Variants in USP38 observed in about 807,000 individuals in gnomAD.
The protein encoded by USP38 is ubiquitin carboxyl-terminal hydrolase 38.
In USP38, 49 loss-of-function variants were observed where a neutral mutation model predicts 94.3. The ratio of observed to expected loss-of-function variants is 0.52; its 90% CI spans 0.41 to 0.66. The LOEUF (loss-of-function observed/expected upper bound fraction) is 0.66, where lower values mean the gene tolerates loss of function less well. Among genes scored for constraint, USP38 ranks in the 30% least tolerant of loss-of-function variants. The pLI, the probability that USP38 is intolerant of heterozygous loss-of-function variation, is 0.00. For missense variants in USP38, 1,128 were observed against 1,229.4 expected, an observed-to-expected ratio of 0.92 and a Z score of 1.23; for synonymous variants, 468 against 463.6, an observed-to-expected ratio of 1.01 and a Z score of -0.12.
rs1732379891 is a variant in USP38 at position 143,223,743 on chromosome 4, A to C, written c.*3287A>C. 1.3e-5 allele frequency: 2 copies of C among 152,104 alleles called. No homozygotes were observed. Among genetic ancestry groups the C allele is most frequent in the Non-Finnish European group, 2.9e-5 (2 of 67,998 alleles). The allele number at this position is 152,104 out of a possible 1,614,324, so 9.4% of individuals were successfully genotyped here. A position where few individuals can be genotyped will look rare whatever the true frequency, so the allele number is the denominator to read the frequency against. On this transcript the variant is annotated 3_prime_UTR_variant, in exon 10 of 10. Coordinates refer to ENST00000307017, the MANE Select transcript of USP38 (RefSeq NM_032557.6). ...TTGTGTACTTCACATGATACATTCC[A>C]TATAAAGAGCTCTTTTAAAATGACT...
intron 5 of USP38, among the ~76,000 whole-genome samples, chr4:143,205,013 C>T (rs183964309): frequency 7.4e-4 from 113 of 152,268 alleles, no homozygotes; most frequent in African/African-American, 2.5e-3. Flanking sequence ...GACACTTTGA[C>T]ACTTCAGAAG....
intron 3 of USP38, among the ~76,000 whole-genome samples, chr4:143,196,499 G>A (rs10155434): frequency 0.72 from 109,882 of 151,972 alleles, 40,152 homozygotes; most frequent in East Asian, 0.83. Flanking sequence ...CCTGTCAGCA[G>A]TATTTGGCAC....
At chr4:143,203,381 G>A (rs764960928) in intron 4 of USP38, 27 bp from the exon 5 acceptor site, 149 of 1,595,182 alleles carry the variant, frequency 9.3e-5, no homozygotes, top group Non-Finnish European at 1.3e-4. Context: ...TATAAATTCA[G>A]CATTGTTTAT....
Position 143,185,187 on chromosome 4 carries a change from C to T in USP38, c.-264C>T. On this transcript the variant is annotated 5_prime_UTR_variant, in exon 1 of 10. Transcript: ENST00000307017. ...GCTGAGTGGGATCGAGGGCCCGGGG[C>T]GGCGGCGGAGTACGGGCCTCTGGCG... 1 of 371,836 alleles carries T rather than the reference C, an allele frequency of 2.7e-6. No homozygotes were observed. The highest frequency in any genetic ancestry group is 4.8e-6 in the Non-Finnish European group (1 of 207,066). The allele number at this position is 371,836 out of a possible 1,614,324, so 23.0% of individuals were successfully genotyped here.
intron 9 of USP38, 112 bp downstream of exon 9, chr4:143,215,055 A>T: frequency 9.4e-7 from 1 of 1,062,392 alleles, no homozygotes; most frequent in Non-Finnish European, 1.3e-6. Context: ...TCTGAAATAT[A>T]GGTCTGGATT....
intron 8 of USP38, 125 bp downstream of exon 8, chr4:143,212,549 C>G: frequency 5.8e-6 from 3 of 521,096 alleles, no homozygotes; most frequent in Non-Finnish European, 9.3e-6. Flanking sequence ...TATTGCATTT[C>G]TTGTATGTTT....
rs1311634407 is a variant in USP38 at position 143,185,259 on chromosome 4, T to C, written c.-192T>C. 1 of 653,458 alleles carries C rather than the reference T, an allele frequency of 1.5e-6. No individual in the cohort carries two copies. Among genetic ancestry groups the C allele is most frequent in the South Asian group, 2.1e-5 (1 of 48,504 alleles). 40.5% of individuals were successfully genotyped at this position (653,458 alleles called of 1,614,324 possible). On this transcript the variant is annotated 5_prime_UTR_variant, in exon 1 of 10. Transcript: ENST00000307017. ...CGGTTCTTAGGCTCTCCAGGCTCGCTAGCTCCCGCCCCGGCTTGGATGGGT... is the reference window on the plus strand; with the variant it reads ...CGGTTCTTAGGCTCTCCAGGCTCGCCAGCTCCCGCCCCGGCTTGGATGGGT...
intron 4 of USP38, among the ~76,000 whole-genome samples, chr4:143,200,394 G>T (rs1731678267): frequency 6.6e-6 from 1 of 152,052 alleles, no homozygotes; most frequent in Non-Finnish European, 1.5e-5. Flanking sequence ...AAAATAATAA[G>T]AGGCATCTGT....
rs776465835 is a variant in USP38 at position 143,213,963 on chromosome 4, A to G, written c.1987A>G (p.Thr663Ala). ...AGAAGAACCAGTAGTTTATAATCCA[A>G]CAACAGCTGCCTTCATCTGTGACTC... ...PSEEPVVYNP[T>A]TAAFICDSLV... is the part of the protein sequence containing the mutation. Residue 663 changes from threonine to alanine, a missense_variant, in exon 9 of 10, where the codon ACA (threonine) becomes GCA (alanine). Physicochemically the swap from Thr to Ala is moderately conservative, Grantham distance 58 (BLOSUM62 0). Coordinates refer to ENST00000307017, the MANE Select transcript of USP38 (RefSeq NM_032557.6). 3 of 1,613,482 alleles carry G rather than the reference A, an allele frequency of 1.9e-6. No individual in the cohort carries two copies. Among genetic ancestry groups the G allele is most frequent in the Admixed American group, 1.7e-5 (1 of 59,960 alleles).
chr4:143,209,649 C>T lies in USP38; in HGVS notation c.1489C>T (p.His497Tyr), dbSNP rs750698937. The T allele has an allele frequency of 1.9e-6, 3 of 1,600,670 alleles. No homozygotes were observed. Among genetic ancestry groups the T allele is most frequent in the Non-Finnish European group, 2.6e-6 (3 of 1,169,464 alleles). Residue 497 changes from histidine to tyrosine, a missense_variant, in exon 7 of 10, where the codon CAT becomes TAT. Coordinates refer to ENST00000307017, the MANE Select transcript of USP38 (RefSeq NM_032557.6). ...ACAGCATCTTTTTGCCTTTCTGGCCCATACACAGGTGAGTGTGTATGTGTA... is the reference window on the plus strand; with the variant it reads ...ACAGCATCTTTTTGCCTTTCTGGCCTATACACAGGTGAGTGTGTATGTGTA... The part of the protein sequence containing the change: ...KLQHLFAFLA[H>Y]TQREAYAPRI...
Position 143,185,947 on chromosome 4 carries a change from C to A in USP38, c.497C>A (p.Thr166Lys). 1 of 1,614,166 alleles carries A rather than the reference C, an allele frequency of 6.2e-7. No individual in the cohort carries two copies. Among genetic ancestry groups the A allele is most frequent in the Non-Finnish European group, 8.5e-7 (1 of 1,180,034 alleles). Residue 166 changes from threonine (T) to lysine (K), a missense_variant, in exon 1 of 10, where the codon ACG (threonine) becomes AAG (lysine). Thr to Lys is a moderately conservative substitution (Grantham distance 78, BLOSUM62 -1). Coordinates refer to ENST00000307017, the MANE Select transcript of USP38 (RefSeq NM_032557.6). ...ATCCCCAAGGGGAAATTGTCCATCA[C>A]GTTCTGTCAACAGCTGGTTCGAACG... ...QCIPKGKLSI[T>K]FCQQLVRTIG...
chr4:143,194,856 T>C (rs1179846464), intron 2 of USP38, among the ~76,000 whole-genome samples: 1 of 151,954 alleles, frequency 6.6e-6, no homozygotes, highest in Non-Finnish European at 1.5e-5. Context: ...GTGGTAGAGA[T>C]CTAACTTTAG....
chr4:143,193,727 AT>A (rs764149124), intron 2 of USP38, among the ~76,000 whole-genome samples: 6 of 152,266 alleles, frequency 3.9e-5, no homozygotes, highest in Non-Finnish European at 5.9e-5. Flanking sequence ...AATAAAAAAC[AT>A]TCCAGTGTTA....
At position 143,214,735 on chromosome 4, in the gene USP38, G is replaced by C. The variant is rs1320278779; in HGVS notation, c.2759G>C (p.Arg920Thr). Residue 920 changes from arginine to threonine, a missense_variant, in exon 9 of 10, where the codon AGA becomes ACA. By Grantham distance (71) the Arg-to-Thr change is moderately conservative. Coordinates refer to ENST00000307017, the MANE Select transcript of USP38 (RefSeq NM_032557.6). ...SKEWFLFNDS[R>T]VTFTSFQSVQ... ...GAATGGTTTTTATTTAATGACAGTA[G>C]AGTGACATTTACTTCATTTCAGTCA... 3.7e-6 allele frequency: 6 copies of C among 1,613,684 alleles called. No individual in the cohort carries two copies. In the South Asian group the frequency reaches 6.6e-5, roughly 18 times the overall value.
At position 143,221,227 on chromosome 4, in the gene USP38, G is replaced by C. The variant is rs1318932587; in HGVS notation, c.*771G>C. 6.6e-6 allele frequency: 1 copy of C among 152,504 alleles called. No homozygotes were observed. The highest frequency in any genetic ancestry group is 1.5e-5 in the Non-Finnish European group (1 of 67,980). 9.4% of individuals were successfully genotyped at this position (152,504 alleles called of 1,614,324 possible). The stretch of plus-strand genomic sequence containing the variant: ...AGGTGAGTTCTGTATGTGCCTTGCA[G>C]TACTGTAATTCAAAAATAGGAATCT... On this transcript the variant is annotated 3_prime_UTR_variant, in exon 10 of 10. Coordinates refer to ENST00000307017, the MANE Select transcript of USP38 (RefSeq NM_032557.6).
At chr4:143,205,178 C>T (rs778134196) in intron 5 of USP38, among the ~76,000 whole-genome samples, 4 of 152,072 alleles carry the variant, frequency 2.6e-5, no homozygotes, top group Non-Finnish European at 4.4e-5. Context: ...ATTCTGATAA[C>T]TCATATAGGC....
intron 2 of USP38, among the ~76,000 whole-genome samples, chr4:143,192,803 T>C (rs889841602): frequency 6.6e-6 from 1 of 152,180 alleles, no homozygotes; most frequent in Non-Finnish European, 1.5e-5. Flanking sequence ...ACCTTCTGAT[T>C]TGTGTAACAT....
chr4:143,194,467 T>C (rs1731486483), intron 2 of USP38, among the ~76,000 whole-genome samples: 1 of 152,174 alleles, frequency 6.6e-6, no homozygotes, highest in Non-Finnish European at 1.5e-5. Context: ...ATCCCAAAAA[T>C]AGGACTACTA....
At chr4:143,201,900 T>G (rs1368057351) in intron 4 of USP38, among the ~76,000 whole-genome samples, 1 of 152,160 alleles carries the variant, frequency 6.6e-6, no homozygotes, top group African/African-American at 2.4e-5. Flanking sequence ...TCTGTATAAC[T>G]GTGAAAGACT....
Sources: gnomAD v4.1 joint callset for allele counts (sites outside exome capture counted in the v4.1 genomes callset) on GRCh38, gnomAD v4.1.1 for gene constraint, MANE v1.5 for transcripts, NCBI Gene and HGNC (gene_info 2026-07-23, HGNC 2026-07-21) for gene names.